NUP205: variants seen among roughly 807,000 people sequenced by gnomAD.
The protein encoded by NUP205 is nuclear pore complex protein Nup205.
In NUP205, 76 loss-of-function variants were observed where a neutral mutation model predicts 253.8. The ratio of observed to expected loss-of-function variants is 0.30; its 90% confidence interval spans 0.25 to 0.36. The LOEUF (loss-of-function observed/expected upper bound fraction) is 0.36. Ranked by LOEUF, NUP205 falls within the 10% of genes least tolerant of loss-of-function variation. The probability of loss-of-function intolerance (pLI) is 1.00; values close to 1 mark genes in which losing one functional copy is unlikely to be tolerated. For synonymous variants in NUP205, 832 were observed against 850.1 expected (o/e 0.98, Z 0.37); for missense variants, 2,162 against 2,425.5 (o/e 0.89, Z 2.28).
intron 1 of NUP205, among the ~76,000 whole-genome samples, chr7:135,570,333 G>C (rs59058263): frequency 0.034 from 5,143 of 151,790 alleles, 118 homozygotes; most frequent in Middle Eastern, 0.1. Context: ...TCCTGTCCCA[G>C]CCTCCCAAGT....
At chr7:135,634,812 G>A (rs1171394579) in intron 35 of NUP205, among the ~76,000 whole-genome samples, 1 of 152,154 alleles carries the variant, frequency 6.6e-6, no homozygotes, top group African/African-American at 2.4e-5. Context: ...GTTGAGGGCT[G>A]AGCTAATCTA....
chr7:135,638,087 T>G (rs1262656241), intron 37 of NUP205, 28 bp downstream of exon 37: 2 of 1,598,944 alleles, frequency 1.3e-6, no homozygotes, highest in Non-Finnish European at 1.7e-6. Flanking sequence ...TCTCTAAGGT[T>G]TTTATGTTTT....
intron 31 of NUP205, among the ~76,000 whole-genome samples, chr7:135,624,003 C>T (rs1052886992): frequency 6.6e-6 from 1 of 152,018 alleles, no homozygotes; most frequent in African/African-American, 2.4e-5. Flanking sequence ...AGGATGGTCT[C>T]GATCTCCTGA....
rs1045531210 is a variant in NUP205, at chr7:135,629,850, A to T, written c.4933-494A>T. 9.9e-5 allele frequency among the ~76,000 whole-genome samples: 15 copies of T among 152,110 alleles called. 1 individual carries two copies. The highest frequency in any genetic ancestry group is 5.2e-4 in the Admixed American group (8 of 15,272). On this transcript the variant is annotated intron_variant, in intron 34 of 42. Transcript: ENST00000285968. ...CCTATCTCTATTATAATAAAAATGAATTTTTTTAAAAAAAGAATTAGACAA... is the reference window on the plus strand; with the variant it reads ...CCTATCTCTATTATAATAAAAATGATTTTTTTTAAAAAAAGAATTAGACAA...
rs1414800942 is a variant in NUP205 at position 135,622,783 on chromosome 7, A to C, written c.4337A>C (p.Lys1446Thr). 1.9e-6 allele frequency: 3 copies of C among 1,613,652 alleles called. No homozygotes were observed. In the African/African-American group the frequency reaches 4.0e-5, roughly 22 times the overall value. ...DEPDTLEAAKKTMWERLTAPE... is the reference protein window; with the variant it reads ...DEPDTLEAAKTTMWERLTAPE... The stretch of plus-strand genomic sequence containing the variant: ...TCTGTTTTAATCCTTTTAGCCAAGA[A>C]AACCATGTGGGAAAGGCTGACAGCC... Residue 1446 changes from lysine to threonine, a missense_variant, in exon 31 of 43, where the codon AAA becomes ACA. By Grantham distance (78) the Lys-to-Thr change is moderately conservative. Around this residue, in one of 5 missense-constraint regions of NUP205, gnomAD observed 1,144 missense variants for 1,280.9 expected, o/e 0.89. Coordinates refer to ENST00000285968, the MANE Select transcript of NUP205 (RefSeq NM_015135.3).
rs1219682997 is a variant in NUP205, at chr7:135,591,575, G to A, written c.1599G>A (p.Leu533=). 2 of 1,612,642 alleles carry A rather than the reference G, an allele frequency of 1.2e-6. No homozygotes were observed. The highest frequency in any genetic ancestry group is 1.3e-5 in the African/African-American group (1 of 74,888). Residue 533 remains leucine (L), a synonymous_variant, in exon 11 of 43, where the codon CTG becomes CTA. Transcript: ENST00000285968. ...AGTGTGCCCACTACTGTTTCAGCCT[G>A]CTCAAAGTCAATGGTAGTAGTCATG... is the stretch of plus-strand genomic sequence containing the variant. ...GPQCAHYCFS[L]LKVNGSSHVE... is the part of the protein sequence containing the mutation.
chr7:135,560,502 G>A lies in NUP205; in HGVS notation c.28+2530G>A, dbSNP rs182804650. On this transcript the variant is annotated intron_variant, in intron 1 of 42. Coordinates refer to ENST00000285968, the MANE Select transcript of NUP205 (RefSeq NM_015135.3). ...TTTTTAAAAAACTAAACGTCTTAGG[G>A]AAGGAACTCTTTTTCCATCAAGGAA... Among the ~76,000 whole-genome samples the A allele has an allele frequency of 3.6e-3, 544 of 152,318 alleles. 3 individuals are homozygous for A. The highest frequency in any genetic ancestry group is 6.0e-3 in the Non-Finnish European group (411 of 68,022).
At chr7:135,596,996 T>C (rs1173979801) in intron 13 of NUP205, among the ~76,000 whole-genome samples, 1 of 151,946 alleles carries the variant, frequency 6.6e-6, no homozygotes, top group African/African-American at 2.4e-5. Context: ...AAGTTTCCTT[T>C]TGGGTTTTTT....
At chr7:135,645,859 G>A (rs1293500873) in intron 41 of NUP205, 3 of 575,740 alleles carry the variant, frequency 5.2e-6, no homozygotes, top group East Asian at 5.7e-5. Flanking sequence ...TCCAGCTCTA[G>A]AAGAATGGAG....
At chr7:135,565,818 A>G (rs986846187) in intron 1 of NUP205, among the ~76,000 whole-genome samples, 90 of 152,178 alleles carry the variant, frequency 5.9e-4, no homozygotes, top group African/African-American at 2.0e-3. Flanking sequence ...GTCATCTGCT[A>G]CTGGAAACTT....
At chr7:135,620,332 G>A (rs1223853288) in intron 30 of NUP205, among the ~76,000 whole-genome samples, 3 of 152,168 alleles carry the variant, frequency 2.0e-5, no homozygotes, top group Admixed American at 6.5e-5. Flanking sequence ...TCAGGAGTTC[G>A]AGACCAGCTT....
intron 19 of NUP205, among the ~76,000 whole-genome samples, chr7:135,605,352 G>T (rs1222111896): frequency 1.3e-5 from 2 of 152,130 alleles, no homozygotes. Flanking sequence ...CCTTCATAGA[G>T]TCCCTATTTT....
At chr7:135,640,099 T>C (rs1794890440) in intron 38 of NUP205, among the ~76,000 whole-genome samples, 1 of 152,090 alleles carries the variant, frequency 6.6e-6, no homozygotes, top group Non-Finnish European at 1.5e-5. Flanking sequence ...AGGACAAATA[T>C]CTAATGCATG....
intron 22 of NUP205, among the ~76,000 whole-genome samples, chr7:135,610,252 C>T (rs75087415): frequency 0.034 from 5,215 of 152,278 alleles, 123 homozygotes; most frequent in Middle Eastern, 0.1. Context: ...GATGGAGTCT[C>T]ACTCTATTGC....
rs183036653 is a variant in NUP205 at position 135,586,406 on chromosome 7, A to G, written c.1219-1169A>G. Reference sequence around the variant, plus strand: ...CTTTTAGCTTCATTGATTTTCTTATATTTTGCTTCACCATTGTTGATTTTT... The same window carrying G: ...CTTTTAGCTTCATTGATTTTCTTATGTTTTGCTTCACCATTGTTGATTTTT... On this transcript the variant is annotated intron_variant, in intron 8 of 42. Coordinates refer to ENST00000285968, the MANE Select transcript of NUP205 (RefSeq NM_015135.3). 9.3e-4 allele frequency among the ~76,000 whole-genome samples: 141 copies of G among 151,666 alleles called. 1 individual carries two copies. Among genetic ancestry groups the G allele is most frequent in the African/African-American group, 3.1e-3 (129 of 41,346 alleles).
Position 135,604,427 on chromosome 7 carries a change from G to C in NUP205, c.2790G>C (p.Gln930His). 2 of 1,609,034 alleles carry C rather than the reference G, an allele frequency of 1.2e-6. No homozygotes were observed. Among genetic ancestry groups the C allele is most frequent in the Non-Finnish European group, 1.7e-6 (2 of 1,178,680 alleles). The change falls in exon 19 of 43, where the codon CAG becomes CAC. Residue 930 changes from glutamine to histidine, a missense_variant. Gln to His is a conservative substitution (Grantham distance 24, BLOSUM62 0). Transcript: ENST00000285968. ...LCCISCNSNI[Q>H]IKLVGDFTHD... is the part of the protein sequence containing the mutation. ...GTATCTCTTGCAACTCTAATATTCA[G>C]ATAAAGTTGGTTGGAGATTTCACAC...
intron 41 of NUP205, 28 bp downstream of exon 41, chr7:135,645,624 C>T: frequency 6.3e-7 from 1 of 1,598,544 alleles, no homozygotes; most frequent in Non-Finnish European, 8.5e-7. Context: ...AATTAATGAA[C>T]CATAAATACC....
intron 38 of NUP205, among the ~76,000 whole-genome samples, chr7:135,640,324 G>C (rs921104746): frequency 3.1e-4 from 47 of 152,174 alleles, no homozygotes; most frequent in Non-Finnish European, 3.2e-4. Context: ...AAAGGTCCTA[G>C]CTAGTAGTAT....
chr7:135,558,212 C>G (rs1290141439), intron 1 of NUP205: 2 of 567,900 alleles, frequency 3.5e-6, no homozygotes, highest in African/African-American at 1.9e-5. Context: ...CCGCTGGACC[C>G]AGGTGTGTAA....
Sources: gnomAD v4.1 joint callset for allele counts (sites outside exome capture counted in the v4.1 genomes callset) on GRCh38, gnomAD v4.1.1 for gene constraint, gnomAD v4.1.1 regional missense constraint, MANE v1.5 for transcripts, NCBI Gene and HGNC (gene_info 2026-07-23, HGNC 2026-07-21) for gene names.